The following MFAP5 variants were observed in gnomAD, a reference collection of about 807,000 sequenced individuals.
The protein encoded by MFAP5 is microfibrillar-associated protein 5.
In MFAP5, 19 loss-of-function variants were observed where a neutral mutation model predicts 30.1. The observed-to-expected ratio is 0.63, with a 90% CI of 0.44 to 0.93. The LOEUF (loss-of-function observed/expected upper bound fraction) is 0.93, where lower values mean the gene tolerates loss of function less well. Among genes scored for constraint, MFAP5 ranks in the 40% least tolerant of loss-of-function variants. MFAP5 has a pLI of 0.00. For missense variants in MFAP5, 210 were observed against 221.3 expected (o/e 0.95, Z 0.32); for synonymous variants, 92 against 72.9 (o/e 1.26, Z -1.33).
intron 6 of MFAP5, among the ~76,000 whole-genome samples, chr12:8,652,788 T>C (rs1941872731): frequency 6.6e-6 from 1 of 152,194 alleles, no homozygotes; most frequent in South Asian, 2.1e-4. Context: ...TTCAAAGATC[T>C]TTCACATTCA....
intron 3 of MFAP5, among the ~76,000 whole-genome samples, 192 bp from the exon 4 acceptor site, chr12:8,656,022 A>G (rs1340387342): frequency 6.6e-6 from 1 of 151,588 alleles, no homozygotes; most frequent in Non-Finnish European, 1.5e-5. Context: ...ATGAAATCGG[A>G]TATACCAAAG....
intron 6 of MFAP5, chr12:8,651,893 G>C: frequency 3.6e-6 from 2 of 548,510 alleles, no homozygotes; most frequent in Non-Finnish European, 6.5e-6. Flanking sequence ...AGGCAGGATG[G>C]GATTTTTTTC....
In MFAP5 at chr12:8,648,151, G is replaced by A; in HGVS notation, c.462C>T (p.Ser154=). ...AGLPPRRLRR[S]NYFRLPPCEN... Reference sequence around the variant, plus strand: ...CACAGGGAGGAAGTCGGAAGTAATTGGAGCGACGGAGTCTCCTAGGGGGCA... The same window carrying A: ...CACAGGGAGGAAGTCGGAAGTAATTAGAGCGACGGAGTCTCCTAGGGGGCA... Residue 154 remains serine (S), a synonymous_variant, in exon 10 of 10, where the codon TCC becomes TCT. Transcript: ENST00000359478. 1 of 1,613,976 alleles carries A rather than the reference G, an allele frequency of 6.2e-7. No homozygotes were observed. The highest frequency in any genetic ancestry group is 8.5e-7 in the Non-Finnish European group (1 of 1,179,904).
intron 3 of MFAP5, among the ~76,000 whole-genome samples, chr12:8,656,059 C>CTT (rs11359613): frequency 1.8e-4 from 20 of 113,838 alleles, no homozygotes; most frequent in South Asian, 2.8e-4. Context: ...ATTCATAATT[C>CTT]TTTTTTTTTT....
intron 3 of MFAP5, among the ~76,000 whole-genome samples, chr12:8,656,270 G>C (rs1264308393): frequency 5.3e-5 from 8 of 151,206 alleles, no homozygotes; most frequent in Admixed American, 3.3e-4. Flanking sequence ...CCGTGGTCTC[G>C]ATCTCCTGAC....
At chr12:8,660,379 G>A (rs1229026550) in intron 3 of MFAP5, among the ~76,000 whole-genome samples, 1 of 151,212 alleles carries the variant, frequency 6.6e-6, no homozygotes, top group African/African-American at 2.4e-5. Flanking sequence ...TAGAGATGAG[G>A]TCTCCCTGTG....
chr12:8,660,191 A>ATT (rs36061194), intron 3 of MFAP5, among the ~76,000 whole-genome samples: 6 of 138,662 alleles, frequency 4.3e-5, no homozygotes, highest in Non-Finnish European at 6.3e-5. Context: ...TTTTTTTCTA[A>ATT]TTTTTTTTTT....
Position 8,654,435 on chromosome 12 carries a change from A to T in MFAP5, c.217+2T>A, listed in dbSNP as rs1379182267. On this transcript the variant is annotated splice_donor_variant, in intron 6 of 9. Transcript: ENST00000359478. LOFTEE classifies it high-confidence loss of function. The stretch of plus-strand genomic sequence containing the variant: ...ACCTGGGGGTCCCAGATCTGAACTC[A>T]CCCAAGTCATCTGTGGAAGGTGCAA... 7 of 1,599,254 alleles carry T rather than the reference A, an allele frequency of 4.4e-6. No homozygotes were observed. Among genetic ancestry groups the T allele is most frequent in the Non-Finnish European group, 6.0e-6 (7 of 1,172,864 alleles).
chr12:8,649,198 C>A (rs188464290), intron 9 of MFAP5, among the ~76,000 whole-genome samples: 1 of 152,080 alleles, frequency 6.6e-6, no homozygotes, highest in Non-Finnish European at 1.5e-5. Context: ...CCCTAGAACC[C>A]CAGTGAATGA....
chr12:8,655,742 C>T, intron 4 of MFAP5, 44 bp downstream of exon 4: 2 of 1,584,978 alleles, frequency 1.3e-6, no homozygotes, highest in Non-Finnish European at 1.7e-6. Context: ...TTATCTATCC[C>T]CAATAAAACA....
chr12:8,661,969 C>T, intron 2 of MFAP5, 78 bp downstream of exon 2: 1 of 1,361,944 alleles, frequency 7.3e-7, no homozygotes, highest in Non-Finnish European at 1.0e-6. Context: ...TCTTCGACCT[C>T]ATTCCATCCC....
intron 2 of MFAP5, among the ~76,000 whole-genome samples, chr12:8,661,846 C>T (rs1942160018): frequency 6.6e-6 from 1 of 152,150 alleles, no homozygotes; most frequent in Non-Finnish European, 1.5e-5. Context: ...CTTGGGAGGC[C>T]TTTCCCCTAG....
chr12:8,655,549 G>A (rs1941958385), intron 4 of MFAP5, 102 bp from the exon 5 acceptor site: 3 of 1,259,846 alleles, frequency 2.4e-6, no homozygotes, highest in South Asian at 1.4e-5. Context: ...AAGAAAGGCT[G>A]AAGTGAAAGC....
At chr12:8,651,579 C>T (rs2136463274) in intron 7 of MFAP5, 83 bp downstream of exon 7, 1 of 1,349,428 alleles carries the variant, frequency 7.4e-7, no homozygotes, top group East Asian at 2.3e-5. Flanking sequence ...GAAGATGTGC[C>T]AAGTACCCTC....
rs770259914 is a variant in MFAP5, at chr12:8,655,520, C to G, written c.140-73G>C. 5.4e-6 allele frequency: 8 copies of G among 1,468,580 alleles called. No homozygotes were observed. In the South Asian group the frequency reaches 8.6e-5, roughly 16 times the overall value. The allele number at this position is 1,468,580 out of a possible 1,614,324, so 91.0% of individuals were successfully genotyped here. A position where few individuals can be genotyped will look rare whatever the true frequency, so the allele number is the denominator to read the frequency against. ...AGCTAAGGAAAGCAGGATAAGGGGA[C>G]GATGATCTCAAAGGAGGCAAGAAAG... is the stretch of plus-strand genomic sequence containing the variant. On this transcript the variant is annotated intron_variant, in intron 4 of 9. Transcript: ENST00000359478.
intron 2 of MFAP5, among the ~76,000 whole-genome samples, chr12:8,661,551 T>C (rs1942151498): frequency 7.0e-6 from 1 of 143,104 alleles, no homozygotes; most frequent in Non-Finnish European, 1.5e-5. Context: ...TCTTTTTTCC[T>C]TTTTTTTTTT....
chr12:8,647,826 AT>A lies in MFAP5; in HGVS notation c.*264del, dbSNP rs1410053432. 1.2e-5 allele frequency: 3 copies of A among 259,684 alleles called. No homozygotes were observed. In the Admixed American group the frequency reaches 1.5e-4, roughly 13 times the overall value. The allele number at this position is 259,684 out of a possible 1,614,324, so 16.1% of individuals were successfully genotyped here. A position where few individuals can be genotyped will look rare whatever the true frequency, so the allele number is the denominator to read the frequency against. ...CATAGAATGTTTGTATATAAGCCAT[AT>A]AGTCATCATCTATTCACTGTGTCTA... On this transcript the variant is annotated 3_prime_UTR_variant, in exon 10 of 10. Coordinates refer to ENST00000359478, the MANE Select transcript of MFAP5 (RefSeq NM_003480.4).
intron 9 of MFAP5, 61 bp downstream of exon 9, chr12:8,649,440 T>C (rs1328829649): frequency 2.0e-6 from 3 of 1,464,772 alleles, no homozygotes; most frequent in Non-Finnish European, 2.9e-6. Context: ...AGTAATATCA[T>C]GTCCCTATCT....
At chr12:8,656,522 C>T (rs1306390438) in intron 3 of MFAP5, among the ~76,000 whole-genome samples, 1 of 141,604 alleles carries the variant, frequency 7.1e-6, no homozygotes, top group East Asian at 2.1e-4. Context: ...ATTTTCGTAC[C>T]TCAGCTTCCC....
Sources: allele counts gnomAD v4.1 joint callset (sites outside exome capture counted in the v4.1 genomes callset), GRCh38; gene constraint gnomAD v4.1.1; transcripts MANE v1.5; gene names NCBI Gene and HGNC (gene_info 2026-07-23, HGNC 2026-07-21).